The following GPC5 variants were observed in gnomAD, a reference collection of about 807,000 sequenced individuals.
GPC5 encodes the protein glypican-5.
A neutral mutation model predicts 53.9 loss-of-function variants in GPC5; 47 were observed. The ratio of observed to expected loss-of-function variants is 0.87; its 90% CI spans 0.69 to 1.11. The LOEUF (loss-of-function observed/expected upper bound fraction) is 1.11. GPC5 is among the 50% of genes most tolerant of loss of function. GPC5 has a pLI of 0.00. For synonymous variants in GPC5, 286 were observed against 263.3 expected, an observed-to-expected ratio of 1.09 and a Z score of -0.84; for missense variants, 748 against 713.1, an observed-to-expected ratio of 1.05 and a Z score of -0.56.
At chr13:92,729,605 G>A (rs1433969844) in intron 7 of GPC5, among the ~76,000 whole-genome samples, 1 of 151,152 alleles carries the variant, frequency 6.6e-6, no homozygotes, top group Non-Finnish European at 1.5e-5. Context: ...CATAAAATTA[G>A]CCTTTAAAGT....
intron 6 of GPC5, among the ~76,000 whole-genome samples, chr13:92,081,249 G>A (rs1360397087): frequency 1.3e-5 from 2 of 152,094 alleles, no homozygotes; most frequent in Admixed American, 6.6e-5. Context: ...TTACAGGCAC[G>A]CAGCACCATA....
intron 5 of GPC5, among the ~76,000 whole-genome samples, chr13:91,882,082 T>C (rs764705449): frequency 2.0e-5 from 3 of 152,148 alleles, no homozygotes; most frequent in African/African-American, 7.2e-5. Flanking sequence ...TTTATTCTTT[T>C]AAAAAAGAGA....
rs575410129 is a variant in GPC5 at position 91,609,345 on chromosome 13, G to C, written c.326-83842G>C. 4.6e-5 allele frequency among the ~76,000 whole-genome samples: 7 copies of C among 152,156 alleles called. No homozygotes were observed. The South Asian group carries it at 1.5e-3, about 32-fold the overall frequency. On this transcript the variant is annotated intron_variant, in intron 2 of 7. Transcript: ENST00000377067. Reference sequence around the variant, plus strand: ...AATGAACTGACACAGGCAACAAATGGGATAGAACTGTGAAATAGCCAAAAA... The same window carrying C: ...AATGAACTGACACAGGCAACAAATGCGATAGAACTGTGAAATAGCCAAAAA...
chr13:92,170,906 GA>G (rs1169782937), intron 7 of GPC5, among the ~76,000 whole-genome samples: 1 of 152,082 alleles, frequency 6.6e-6, no homozygotes, highest in African/African-American at 2.4e-5. Flanking sequence ...CATGGAGTAG[GA>G]GACACAATAG....
At chr13:91,508,468 G>A (rs1042508771) in intron 2 of GPC5, among the ~76,000 whole-genome samples, 1 of 152,176 alleles carries the variant, frequency 6.6e-6, no homozygotes, top group African/African-American at 2.4e-5. Flanking sequence ...ACTGGCTGAA[G>A]TAGGGGTATT....
chr13:91,400,976 C>T (rs1876905136), intron 1 of GPC5, among the ~76,000 whole-genome samples: 1 of 152,188 alleles, frequency 6.6e-6, no homozygotes, highest in African/African-American at 2.4e-5. Context: ...TTCTAAGTCA[C>T]TCTGGATTGT....
At chr13:91,578,421 A>G (rs576868881) in intron 2 of GPC5, among the ~76,000 whole-genome samples, 1 of 152,256 alleles carries the variant, frequency 6.6e-6, no homozygotes, top group East Asian at 1.9e-4. Context: ...TTCTTCCAGA[A>G]TTTACTACCC....
intron 7 of GPC5, among the ~76,000 whole-genome samples, chr13:92,620,639 T>C (rs1188928580): frequency 2.0e-5 from 3 of 152,206 alleles, no homozygotes; most frequent in Non-Finnish European, 4.4e-5. Flanking sequence ...CTGAAACTGA[T>C]GGCTAAATGA....
In GPC5 at chr13:92,188,636, TA is replaced by T. The variant is rs1235675064; in HGVS notation, c.1561+43650del. 2.0e-5 allele frequency among the ~76,000 whole-genome samples: 3 copies of T among 152,236 alleles called. No homozygotes were observed. In the East Asian group the frequency reaches 5.8e-4, roughly 29 times the overall value. Reference sequence around the variant, plus strand: ...CATTTAATTGAATAGATTTAATAAGTAAATATAATTGCTGCATAACAGTTAT... The same window carrying T: ...CATTTAATTGAATAGATTTAATAAGTAATATAATTGCTGCATAACAGTTAT... On this transcript the variant is annotated intron_variant, in intron 7 of 7. Transcript: ENST00000377067.
chr13:91,879,558 C>G (rs1159793121), intron 5 of GPC5, among the ~76,000 whole-genome samples: 1 of 152,044 alleles, frequency 6.6e-6, no homozygotes, highest in African/African-American at 2.4e-5. Context: ...TCTCTGTAAC[C>G]TCAGTTGGGG....
intron 6 of GPC5, among the ~76,000 whole-genome samples, chr13:91,938,128 A>G (rs1056586671): frequency 2.6e-5 from 4 of 152,062 alleles, no homozygotes; most frequent in Middle Eastern, 3.2e-3. Context: ...CTAAAAAGGA[A>G]TATCTGAGAT....
intron 4 of GPC5, among the ~76,000 whole-genome samples, chr13:91,747,472 T>G (rs2037074868): frequency 6.6e-6 from 1 of 152,306 alleles, no homozygotes. Flanking sequence ...TTTTTCTACT[T>G]TACTCTGTTG....
chr13:92,628,443 G>A (rs928006435), intron 7 of GPC5, among the ~76,000 whole-genome samples: 1 of 151,724 alleles, frequency 6.6e-6, no homozygotes, highest in African/African-American at 2.4e-5. Flanking sequence ...CCCCAGGCTA[G>A]AGCCATTAGC....
chr13:91,455,968 A>G (rs531172946), intron 2 of GPC5, among the ~76,000 whole-genome samples: 4 of 152,130 alleles, frequency 2.6e-5, no homozygotes, highest in African/African-American at 9.6e-5. Flanking sequence ...GTTGATTTCT[A>G]TTTTTGCAAG....
chr13:92,614,319 G>A (rs1183766329), intron 7 of GPC5, among the ~76,000 whole-genome samples: 1 of 152,124 alleles, frequency 6.6e-6, no homozygotes, highest in African/African-American at 2.4e-5. Context: ...GATTTATAAT[G>A]TGGTTACTTC....
chr13:92,450,647 A>G (rs986292189), intron 7 of GPC5, among the ~76,000 whole-genome samples: 1 of 152,228 alleles, frequency 6.6e-6, no homozygotes, highest in Non-Finnish European at 1.5e-5. Context: ...GTTATAACCT[A>G]TAAGGTGACA....
chr13:91,479,880 C>T (rs1883208863), intron 2 of GPC5, among the ~76,000 whole-genome samples: 1 of 151,972 alleles, frequency 6.6e-6, no homozygotes, highest in South Asian at 2.1e-4. Flanking sequence ...ACTTAATATT[C>T]TCAGTGGAGG....
intron 7 of GPC5, among the ~76,000 whole-genome samples, chr13:92,778,285 A>T (rs903750995): frequency 3.3e-5 from 5 of 152,152 alleles, no homozygotes; most frequent in Admixed American, 1.3e-4. Context: ...GTTGTACTTC[A>T]TAACGTGGTT....
chr13:91,688,496 T>C (rs1393692501), intron 2 of GPC5, among the ~76,000 whole-genome samples: 3 of 152,140 alleles, frequency 2.0e-5, no homozygotes, highest in African/African-American at 7.2e-5. Context: ...ATATTGAAAG[T>C]CCCCCAATTT....
Sources: allele counts gnomAD v4.1 joint callset (sites outside exome capture counted in the v4.1 genomes callset), GRCh38; gene constraint gnomAD v4.1.1; transcripts MANE v1.5; gene names NCBI Gene and HGNC (gene_info 2026-07-23, HGNC 2026-07-21).